Variants in ACACB observed in about 807,000 individuals in gnomAD.
The protein encoded by ACACB is acetyl-CoA carboxylase 2.
ACACB carries 209 observed loss-of-function variants against 278.8 expected under a neutral mutation model. That is an observed-to-expected ratio of 0.75 (90% CI 0.67 to 0.84). ACACB has a LOEUF of 0.84. Among genes scored for constraint, ACACB ranks in the 40% least tolerant of loss-of-function variants. ACACB has a pLI of 0.00. For missense variants in ACACB, 2,850 were observed against 3,269.0 expected (o/e 0.87, Z 3.13); for synonymous variants, 1,174 against 1,285.6 (o/e 0.91, Z 1.86).
intron 19 of ACACB, 136 bp downstream of exon 19, chr12:109,201,837 G>A: frequency 8.2e-7 from 1 of 1,224,788 alleles, no homozygotes; most frequent in Admixed American, 2.6e-5. Context: ...CGTCGCAGCA[G>A]CCACCGTGAT....
At chr12:109,241,603 C>T (rs988671749) in intron 36 of ACACB, 4 of 341,776 alleles carry the variant, frequency 1.2e-5, no homozygotes, top group Non-Finnish European at 2.3e-5. Flanking sequence ...CCGCCTCGAC[C>T]TCCAAAGTGC....
At chr12:109,125,512 G>C (rs1272661714) in intron 1 of ACACB, 1 of 152,210 alleles carries the variant, frequency 6.6e-6, no homozygotes, top group Non-Finnish European at 1.5e-5. Context: ...GGAGGGACAA[G>C]ACCAGGCCAG....
chr12:109,242,471 C>T lies in ACACB; in HGVS notation c.5057C>T (p.Pro1686Leu), dbSNP rs61739667. The change falls in exon 37 of 53, where the codon CCC becomes CTC. Residue 1686 changes from proline (P) to leucine (L), a missense_variant. This residue lies in a region of ACACB where 2,265 missense variants were observed against 2,561.3 expected (regional missense o/e 0.88). Transcript: ENST00000338432. The stretch of plus-strand genomic sequence containing the variant: ...CACTCCTTCGGCAACAAGCAAGGGC[C>T]CCAGCACGGGATGCTGATCAATACT... The part of the protein sequence containing the change: ...MFHSFGNKQG[P>L]QHGMLINTPY... The T allele has an allele frequency of 6.2e-7, 1 of 1,614,016 alleles. No individual in the cohort carries two copies. Among genetic ancestry groups the T allele is most frequent in the African/African-American group, 1.3e-5 (1 of 75,036 alleles).
chr12:109,172,050 C>A, intron 5 of ACACB, 136 bp downstream of exon 5: 1 of 819,162 alleles, frequency 1.2e-6, no homozygotes, highest in Non-Finnish European at 2.0e-6. Flanking sequence ...TGATGTAACA[C>A]AGAAAAGAGT....
intron 1 of ACACB, among the ~76,000 whole-genome samples, chr12:109,133,029 C>G (rs1204560581): frequency 6.6e-6 from 1 of 152,178 alleles, no homozygotes; most frequent in East Asian, 1.9e-4. Context: ...TCTCCACACA[C>G]CACCTACTCA....
At chr12:109,146,742 A>T (rs1376700010) in intron 2 of ACACB, among the ~76,000 whole-genome samples, 1 of 151,672 alleles carries the variant, frequency 6.6e-6, no homozygotes, top group East Asian at 1.9e-4. Context: ...TAGCATGGTC[A>T]TGGCTCACTG....
chr12:109,166,665 A>AAAAAAC lies in ACACB; in HGVS notation c.654-191_654-190insCAAAAA, dbSNP rs1316139417. Among the ~76,000 whole-genome samples, 257 of 144,104 alleles carry AAAAAAC rather than the reference A, an allele frequency of 1.8e-3. 42 individuals are homozygous for AAAAAAC. Among genetic ancestry groups the AAAAAAC allele is most frequent in the Non-Finnish European group, 3.5e-3 (230 of 65,620 alleles). The allele number at this position is 144,104 out of a possible 152,430, so 94.5% of individuals were successfully genotyped here. A position where few individuals can be genotyped will look rare whatever the true frequency, so the allele number is the denominator to read the frequency against. On this transcript the variant is annotated intron_variant, in intron 2 of 52. Coordinates refer to ENST00000338432, the MANE Select transcript of ACACB (RefSeq NM_001093.4). ...ATCCCGTCTCAAAAAAAAAAAAAAA[A>AAAAAAC]AAAAAAAAAAAACCGAAGGTGCTTC... is the stretch of plus-strand genomic sequence containing the variant.
chr12:109,130,764 G>C (rs1295651135), intron 1 of ACACB, among the ~76,000 whole-genome samples: 1 of 152,134 alleles, frequency 6.6e-6, no homozygotes, highest in Non-Finnish European at 1.5e-5. Flanking sequence ...ATTTGCAAAA[G>C]GACATTGCGC....
the ACACB span, chr12:109,111,536 G>A: frequency 1.3e-5 from 2 of 151,602 alleles, no homozygotes; most frequent in Admixed American, 6.6e-5. Flanking sequence ...AGCCACAATT[G>A]TGTTTTTTTT....
At position 109,167,989 on chromosome 12, in the gene ACACB, C is replaced by T. The variant is rs144382279; in HGVS notation, c.880C>T (p.Arg294Trp). 2.0e-5 allele frequency: 32 copies of T among 1,613,714 alleles called. No homozygotes were observed. The highest frequency in any genetic ancestry group is 1.1e-4 in the African/African-American group (8 of 74,990). The change falls in exon 4 of 53, where the codon CGG (arginine) becomes TGG (tryptophan). Residue 294 changes from arginine (R) to tryptophan (W), a missense_variant. By Grantham distance (101) the Arg-to-Trp change is moderately radical (BLOSUM62 -3). Around this residue, in one of 3 missense-constraint regions of ACACB, gnomAD observed 2,265 missense variants for 2,561.3 expected, o/e 0.88. Coordinates refer to ENST00000338432, the MANE Select transcript of ACACB (RefSeq NM_001093.4). The stretch of plus-strand genomic sequence containing the variant: ...GATGTTCCGCAACGAGCGGGCCATC[C>T]GGTTTGTTGTGATGGTGACCCCCGA... ...YEMFRNERAI[R>W]FVVMVTPEDL...
intron 28 of ACACB, among the ~76,000 whole-genome samples, chr12:109,229,992 G>A (rs1358829653): frequency 1.3e-5 from 2 of 152,068 alleles, no homozygotes; most frequent in Non-Finnish European, 1.5e-5. Flanking sequence ...TCTCTCTCAC[G>A]CTCCCTCACC....
intron 2 of ACACB, among the ~76,000 whole-genome samples, 194 bp downstream of exon 2, chr12:109,140,252 T>TTCCATCCA (rs1565857334): frequency 8.2e-6 from 1 of 122,504 alleles, no homozygotes; most frequent in Non-Finnish European, 1.8e-5. Context: ...CCTTCCTTCC[T>TTCCATCCA]TCCATCCTTC....
chr12:109,154,031 C>T (rs1204596740), intron 2 of ACACB, among the ~76,000 whole-genome samples: 2 of 152,240 alleles, frequency 1.3e-5, no homozygotes, highest in Non-Finnish European at 1.5e-5. Context: ...AGATAACATG[C>T]ATCTCTGGGC....
chr12:109,264,478 T>TGAG, intron 50 of ACACB, 92 bp downstream of exon 50: 2 of 1,428,390 alleles, frequency 1.4e-6, no homozygotes, highest in Non-Finnish European at 1.9e-6. Context: ...GGGAGGGCGG[T>TGAG]GGTGGTTGGG....
intron 22 of ACACB, among the ~76,000 whole-genome samples, chr12:109,214,597 A>G (rs1379347172): frequency 3.3e-5 from 5 of 152,386 alleles, no homozygotes; most frequent in South Asian, 2.1e-4. Context: ...TGTGCTGACC[A>G]TAAATATTAA....
chr12:109,207,806 G>A (rs2045566031), intron 20 of ACACB, among the ~76,000 whole-genome samples: 1 of 152,136 alleles, frequency 6.6e-6, no homozygotes, highest in Non-Finnish European at 1.5e-5. Flanking sequence ...AGCCTCCCGA[G>A]TAGCTGGGAT....
chr12:109,237,488 C>G, intron 34 of ACACB, 108 bp downstream of exon 34: 1 of 1,189,200 alleles, frequency 8.4e-7, no homozygotes, highest in East Asian at 2.6e-5. Flanking sequence ...GGAGAGTACA[C>G]CAACACCCAG....
Position 109,266,308 on chromosome 12 carries a change from G to A in ACACB, c.7323G>A (p.Glu2441=), listed in dbSNP as rs1230609896. The change falls in exon 53 of 53, where the codon GAG becomes GAA. Residue 2441 remains glutamate (E), a synonymous_variant. Coordinates refer to ENST00000338432, the MANE Select transcript of ACACB (RefSeq NM_001093.4). The part of the protein sequence containing the change: ...IYLSQHISPA[E]RAQVVHLLST... ...TGAGCCAGCACATCAGCCCAGCTGAGCGGGCGCAGGTCGTTCACCTGCTGT... is the reference window on the plus strand; with the variant it reads ...TGAGCCAGCACATCAGCCCAGCTGAACGGGCGCAGGTCGTTCACCTGCTGT... The A allele has an allele frequency of 1.1e-5, 17 of 1,613,548 alleles. No homozygotes were observed. The highest frequency in any genetic ancestry group is 1.4e-5 in the Non-Finnish European group (16 of 1,179,980).
intron 2 of ACACB, among the ~76,000 whole-genome samples, chr12:109,144,279 C>G (rs1411535346): frequency 6.6e-6 from 1 of 152,092 alleles, no homozygotes; most frequent in Non-Finnish European, 1.5e-5. Flanking sequence ...CGCCACTACA[C>G]TCCAGCATGG....
Sources: allele counts gnomAD v4.1 joint callset (sites outside exome capture counted in the v4.1 genomes callset), GRCh38; gene constraint gnomAD v4.1.1; regional missense constraint gnomAD v4.1.1; transcripts MANE v1.5; gene names NCBI Gene and HGNC (gene_info 2026-07-23, HGNC 2026-07-21).